The following EPS15L1 variants were observed in gnomAD, a reference collection of about 807,000 sequenced individuals.
EPS15L1 encodes the protein epidermal growth factor receptor pathway substrate 15 like 1.
Under a neutral mutation model 117.1 loss-of-function variants are expected in EPS15L1, and 43 were observed. That is an observed-to-expected ratio of 0.37 (90% CI 0.29 to 0.47). The LOEUF (loss-of-function observed/expected upper bound fraction) is 0.47. EPS15L1 is among the 20% of genes least tolerant of loss of function. The pLI, the probability that EPS15L1 is intolerant of heterozygous loss-of-function variation, is 0.99. For synonymous variants in EPS15L1, 459 were observed against 470.5 expected, an observed-to-expected ratio of 0.98 and a Z score of 0.32; for missense variants, 981 against 1,164.0, an observed-to-expected ratio of 0.84 and a Z score of 2.29.
chr19:16,413,285 C>T (rs1034407161), intron 13 of EPS15L1: 2 of 657,864 alleles, frequency 3.0e-6, no homozygotes, highest in African/African-American at 3.6e-5. Flanking sequence ...AACTCATCCC[C>T]ACGCCCAGGG....
At chr19:16,387,930 G>A (rs1313685209) in intron 19 of EPS15L1, among the ~76,000 whole-genome samples, 1 of 152,158 alleles carries the variant, frequency 6.6e-6, no homozygotes, top group Non-Finnish European at 1.5e-5. Flanking sequence ...AGGAACCTGT[G>A]GGACAATAAC....
In EPS15L1 at chr19:16,437,021, C is replaced by A. The variant is rs765666346; in HGVS notation, c.310-22G>T. 7 of 1,610,132 alleles carry A rather than the reference C, an allele frequency of 4.3e-6. No homozygotes were observed. The South Asian group carries it at 7.7e-5, about 18-fold the overall frequency. On this transcript the variant is annotated intron_variant, in intron 5 of 23. Transcript: ENST00000455140. ...CGTGCTGAGAAGAGAGAGAAACATT[C>A]CTTTGTGGCTGGCACAGAATTAAAT...
chr19:16,387,690 C>G (rs189039659), intron 19 of EPS15L1, among the ~76,000 whole-genome samples: 187 of 152,252 alleles, frequency 1.2e-3, no homozygotes, highest in African/African-American at 4.2e-3. Flanking sequence ...GGCTTGAACC[C>G]AGGAGGTGGA....
At chr19:16,461,672 G>GT (rs1435111861) in intron 1 of EPS15L1, among the ~76,000 whole-genome samples, 26 of 152,130 alleles carry the variant, frequency 1.7e-4, no homozygotes, top group Admixed American at 1.6e-3. Context: ...ACAGATTGGC[G>GT]TAATGACAGA....
At chr19:16,375,441 G>A (rs1278023870) in intron 22 of EPS15L1, among the ~76,000 whole-genome samples, 2 of 151,572 alleles carry the variant, frequency 1.3e-5, no homozygotes, top group Non-Finnish European at 2.9e-5. Flanking sequence ...TGCCAGCTGT[G>A]TGCATGCATT....
Position 16,374,599 on chromosome 19 carries a change from A to G in EPS15L1, c.2380+2523T>C, listed in dbSNP as rs138161750. Among the ~76,000 whole-genome samples, 94 of 152,322 alleles carry G rather than the reference A, an allele frequency of 6.2e-4. 2 individuals carry two copies. The highest frequency in any genetic ancestry group is 3.4e-3 in the Middle Eastern group (1 of 294). On this transcript the variant is annotated intron_variant, in intron 22 of 23. Transcript: ENST00000455140. ...GCAGAGGGAGACACGATGGGAGGTG[A>G]TAACTGAGGGAAAGTTCAAAAGCAG...
chr19:16,468,859 T>C (rs571255304), intron 1 of EPS15L1, among the ~76,000 whole-genome samples: 1 of 152,004 alleles, frequency 6.6e-6, no homozygotes, highest in Non-Finnish European at 1.5e-5. Flanking sequence ...AAAAAAAAAA[T>C]TGTTTAATTA....
In EPS15L1 at chr19:16,365,194, G is replaced by A. The variant is rs1232709150; in HGVS notation, c.2381-3210C>T. Among the ~76,000 whole-genome samples the A allele has an allele frequency of 6.6e-6, 1 of 152,214 alleles. No homozygotes were observed. The highest frequency in any genetic ancestry group is 6.5e-5 in the Admixed American group (1 of 15,292). ...GGGGCTGGGAGTGGCCCTGGAAGAC[G>A]GTGTGGGGCATGGCGGCCACCCCCC... On this transcript the variant is annotated intron_variant, in intron 22 of 23. Transcript: ENST00000455140. The surrounding 1 kb of genome is among the most constrained non-coding windows in gnomAD (Gnocchi z 4.9).
rs561434101 is a variant in EPS15L1 at position 16,471,448 on chromosome 19, G to A, written c.33+465C>T. Among the ~76,000 whole-genome samples the A allele has an allele frequency of 2.0e-5, 3 of 152,252 alleles. No homozygotes were observed. The highest frequency in any genetic ancestry group is 2.1e-4 in the South Asian group (1 of 4,836). On this transcript the variant is annotated intron_variant, in intron 1 of 23. Transcript: ENST00000455140. This position sits in a 1 kb window ranked among gnomAD's most constrained non-coding sequence, Gnocchi z 4.8. ...GGGTGGCGGAAGCAGCTTCCAAGGA[G>A]GCAGGGGATCAGTCTGAGATCGCAC...
At chr19:16,389,417 G>T (rs1471252819) in intron 19 of EPS15L1, among the ~76,000 whole-genome samples, 1 of 152,114 alleles carries the variant, frequency 6.6e-6, no homozygotes, top group Non-Finnish European at 1.5e-5. Context: ...TCACACCACT[G>T]CACTTCAGCC....
intron 9 of EPS15L1, among the ~76,000 whole-genome samples, chr19:16,422,932 T>G (rs113149695): frequency 0.11 from 13,111 of 123,788 alleles, 700 homozygotes; most frequent in Middle Eastern, 0.13. Context: ...CACTCCAGCC[T>G]GGGCGACAGA....
chr19:16,448,802 C>T (rs2093111612), intron 1 of EPS15L1, among the ~76,000 whole-genome samples: 1 of 151,944 alleles, frequency 6.6e-6, no homozygotes. Flanking sequence ...TGCACTCTAG[C>T]CTGGGTGACA....
chr19:16,450,644 C>A (rs1006025350), intron 1 of EPS15L1, among the ~76,000 whole-genome samples: 2 of 151,872 alleles, frequency 1.3e-5, no homozygotes, highest in Non-Finnish European at 2.9e-5. Context: ...ACACACCTGG[C>A]TAAATTTTTG....
chr19:16,395,580 G>T, intron 16 of EPS15L1, 113 bp from the exon 17 acceptor site: 1 of 1,139,400 alleles, frequency 8.8e-7, no homozygotes, highest in South Asian at 1.4e-5. Flanking sequence ...ACCCTAAAAA[G>T]AATGATTTAG....
chr19:16,467,200 G>A (rs770396488), intron 1 of EPS15L1, among the ~76,000 whole-genome samples: 2 of 150,634 alleles, frequency 1.3e-5, no homozygotes, highest in Non-Finnish European at 3.0e-5. Flanking sequence ...AGGCTGGAGT[G>A]TGCAGTGGAG....
intron 23 of EPS15L1, chr19:16,361,570 A>C: frequency 7.6e-7 from 1 of 1,319,930 alleles, no homozygotes; most frequent in Non-Finnish European, 9.6e-7. Flanking sequence ...ATGATAGAGC[A>C]TCCAAACTGC....
intron 12 of EPS15L1, among the ~76,000 whole-genome samples, chr19:16,414,336 A>G (rs2092736503): frequency 6.6e-6 from 1 of 152,170 alleles, no homozygotes; most frequent in Non-Finnish European, 1.5e-5. Context: ...ACAAGAGCCC[A>G]GCCCAGCCGA....
chr19:16,443,878 C>T (rs551075466), intron 1 of EPS15L1, among the ~76,000 whole-genome samples: 2 of 151,698 alleles, frequency 1.3e-5, no homozygotes, highest in African/African-American at 4.8e-5. Flanking sequence ...GTCTGGCCAA[C>T]ATAGTGAAAC....
In EPS15L1 at chr19:16,362,811, T is replaced by A. The variant is rs1027898028; in HGVS notation, c.2381-827A>T. Among the ~76,000 whole-genome samples the A allele has an allele frequency of 3.9e-5, 6 of 152,152 alleles. 1 individual carries two copies. Among genetic ancestry groups the A allele is most frequent in the Middle Eastern group, 3.4e-3 (1 of 294 alleles). ...AGGCATGAGCCACTGCACCTGGCCT[T>A]AAGTTCTTTTTTAGCCCCCACTTCT... On this transcript the variant is annotated intron_variant, in intron 22 of 23. Transcript: ENST00000455140.
Sources: gnomAD v4.1 joint callset for allele counts (sites outside exome capture counted in the v4.1 genomes callset) on GRCh38, gnomAD v4.1.1 for gene constraint, Gnocchi (gnomAD v3.1) non-coding constraint, MANE v1.5 for transcripts, NCBI Gene and HGNC (gene_info 2026-07-23, HGNC 2026-07-21) for gene names.